NETO1: variants seen among roughly 807,000 people sequenced by gnomAD.
The protein encoded by NETO1 is neuropilin and tolloid like 1.
In NETO1, 26 loss-of-function variants were observed where a neutral mutation model predicts 61.3. The observed-to-expected ratio is 0.42, with a 90% CI of 0.31 to 0.59. The LOEUF (loss-of-function observed/expected upper bound fraction) is 0.59, where lower values mean the gene tolerates loss of function less well. Among genes scored for constraint, NETO1 ranks in the 20% least tolerant of loss-of-function variants. The pLI is 0.12. For missense variants in NETO1, 531 were observed against 662.8 expected, an observed-to-expected ratio of 0.80 and a Z score of 2.18; for synonymous variants, 225 against 225.8, an observed-to-expected ratio of 1.00 and a Z score of 0.03.
In NETO1 at chr18:72,867,274, G is replaced by C; in HGVS notation, c.18C>G (p.Ser6Arg). 1.3e-6 allele frequency: 2 copies of C among 1,568,670 alleles called. No homozygotes were observed. Among genetic ancestry groups the C allele is most frequent in the Non-Finnish European group, 1.7e-6 (2 of 1,157,762 alleles). MIHGRSVLHIVASLII... is the reference protein window; with the variant it reads MIHGRRVLHIVASLII... ...GGGGAGGGTACTCACTGTGAAGCAC[G>C]CTGCGCCCATGGATCATGTCTGTGC... is the stretch of plus-strand genomic sequence containing the variant. Residue 6 changes from serine (S) to arginine (R), a missense_variant, in exon 1 of 11, where the codon AGC becomes AGG. Transcript: ENST00000327305.
At chr18:72,802,575 G>A (rs918480176) in intron 4 of NETO1, among the ~76,000 whole-genome samples, 5 of 152,204 alleles carry the variant, frequency 3.3e-5, no homozygotes, top group Non-Finnish European at 4.4e-5. Flanking sequence ...TTATGTGAAT[G>A]CTTGACAACA....
intron 7 of NETO1, among the ~76,000 whole-genome samples, chr18:72,776,226 T>C (rs1007556758): frequency 6.6e-6 from 1 of 152,146 alleles, no homozygotes; most frequent in East Asian, 1.9e-4. Flanking sequence ...GTCCTGGCTC[T>C]ATCATAACCC....
chr18:72,853,938 C>T (rs998698140), intron 4 of NETO1, among the ~76,000 whole-genome samples: 1 of 151,788 alleles, frequency 6.6e-6, no homozygotes, highest in African/African-American at 2.4e-5. Flanking sequence ...TAGAAACTTT[C>T]GAAATGGTTA....
At chr18:72,748,302 G>C (rs1403210665) in intron 10 of NETO1, 138 bp from the exon 11 acceptor site, 1 of 984,498 alleles carries the variant, frequency 1.0e-6, no homozygotes, top group Non-Finnish European at 1.2e-6. Context: ...GAGTTTAGAA[G>C]AGATTAGCTG....
intron 4 of NETO1, chr18:72,834,696 GAAT>G: frequency 1.0e-6 from 1 of 984,902 alleles, no homozygotes; most frequent in Non-Finnish European, 1.2e-6. Flanking sequence ...CGGAATGGGC[GAAT>G]AATAATACGC....
intron 4 of NETO1, among the ~76,000 whole-genome samples, chr18:72,804,432 G>A (rs2072610678): frequency 6.6e-6 from 1 of 152,138 alleles, no homozygotes; most frequent in Non-Finnish European, 1.5e-5. Context: ...ACTGTTAACT[G>A]ATTAGATTAT....
At chr18:72,759,561 G>A (rs1343386614) in intron 7 of NETO1, among the ~76,000 whole-genome samples, 2 of 152,126 alleles carry the variant, frequency 1.3e-5, no homozygotes, top group Non-Finnish European at 2.9e-5. Flanking sequence ...GTATTCCAGA[G>A]AGCAGAAGAC....
chr18:72,770,361 G>A (rs1278017425), intron 7 of NETO1, among the ~76,000 whole-genome samples: 1 of 151,874 alleles, frequency 6.6e-6, no homozygotes, highest in Non-Finnish European at 1.5e-5. Context: ...TGATTATGAT[G>A]TTTCTGTATT....
chr18:72,807,656 A>G (rs773149784), intron 4 of NETO1, among the ~76,000 whole-genome samples: 5 of 152,076 alleles, frequency 3.3e-5, no homozygotes, highest in Non-Finnish European at 7.4e-5. Context: ...TGGGGGATAG[A>G]GTGAAGAAGA....
chr18:72,818,299 T>C (rs1407063622), intron 4 of NETO1, among the ~76,000 whole-genome samples: 4 of 152,218 alleles, frequency 2.6e-5, no homozygotes, highest in African/African-American at 7.2e-5. Context: ...CCAAATTCTT[T>C]TGTGTGCTTT....
Position 72,750,407 on chromosome 18 carries a change from C to G in NETO1, c.1196G>C (p.Arg399Thr). 6.2e-7 allele frequency: 1 copy of G among 1,614,148 alleles called. No individual in the cohort carries two copies. The highest frequency in any genetic ancestry group is 8.5e-7 in the Non-Finnish European group (1 of 1,180,014). Residue 399 changes from arginine to threonine, a missense_variant, in exon 9 of 11, where the codon AGA becomes ACA. Arg to Thr is a moderately conservative substitution (Grantham distance 71, BLOSUM62 -1). Transcript: ENST00000327305. ...AAAGTCAGCTGTAGCTCCTGTCCCT[C>G]TGAGAGTGCATAACTCATAATGAGG... ...EPPHYELCTL[R>T]GTGATADFAD... is the part of the protein sequence containing the mutation.
intron 4 of NETO1, among the ~76,000 whole-genome samples, chr18:72,826,628 A>G (rs2073382444): frequency 6.6e-6 from 1 of 151,682 alleles, no homozygotes; most frequent in South Asian, 2.1e-4. Context: ...GAAACTATGG[A>G]CTGTATTTCT....
At chr18:72,820,833 G>GAA (rs2073169744) in intron 4 of NETO1, among the ~76,000 whole-genome samples, 1 of 152,132 alleles carries the variant, frequency 6.6e-6, no homozygotes. Context: ...CTTGGGTCTT[G>GAA]AGTCGGGTGA....
At chr18:72,777,547 T>C (rs2071595562) in intron 7 of NETO1, among the ~76,000 whole-genome samples, 1 of 151,140 alleles carries the variant, frequency 6.6e-6, no homozygotes, top group Non-Finnish European at 1.5e-5. Context: ...AAGACCGTCC[T>C]GGCTAACACG....
At chr18:72,832,318 A>G (rs1025699726) in intron 4 of NETO1, among the ~76,000 whole-genome samples, 1 of 152,128 alleles carries the variant, frequency 6.6e-6, no homozygotes, top group Non-Finnish European at 1.5e-5. Context: ...ATTTTGGGAA[A>G]AACATTATTG....
chr18:72,839,534 C>G (rs1017796382), intron 4 of NETO1, among the ~76,000 whole-genome samples: 19 of 152,150 alleles, frequency 1.2e-4, no homozygotes, highest in African/African-American at 4.6e-4. Context: ...TAAAGGACTC[C>G]TAAGGTCACA....
intron 4 of NETO1, among the ~76,000 whole-genome samples, chr18:72,839,907 T>G (rs1599125255): frequency 6.6e-6 from 1 of 152,356 alleles, no homozygotes; most frequent in East Asian, 1.9e-4. Flanking sequence ...TATCCATTGC[T>G]TCCAGTGCCT....
chr18:72,821,423 A>G (rs7232245), intron 4 of NETO1, among the ~76,000 whole-genome samples: 77,512 of 150,136 alleles, frequency 0.52, 22,030 homozygotes, highest in African/African-American at 0.76. Flanking sequence ...AAAAATAGCC[A>G]GGCGTGGTGG....
intron 4 of NETO1, among the ~76,000 whole-genome samples, chr18:72,812,388 C>T (rs181461729): frequency 3.2e-4 from 49 of 152,194 alleles, no homozygotes; most frequent in African/African-American, 1.1e-3. Context: ...AGGACCAACA[C>T]GTCCAAAATT....
Sources: allele counts gnomAD v4.1 joint callset (sites outside exome capture counted in the v4.1 genomes callset), GRCh38; gene constraint gnomAD v4.1.1; transcripts MANE v1.5; gene names NCBI Gene and HGNC (gene_info 2026-07-23, HGNC 2026-07-21).